Variants in PHKA1 observed in about 807,000 individuals in gnomAD.
PHKA1 encodes phosphorylase kinase regulatory subunit alpha 1, also known as phosphorylase b kinase regulatory subunit alpha, skeletal muscle isoform.
In PHKA1, 60 loss-of-function variants were observed where a neutral mutation model predicts 110.2. The ratio of observed to expected loss-of-function variants is 0.54; its 90% CI spans 0.44 to 0.68. PHKA1 has a LOEUF of 0.68. PHKA1 is among the 30% of genes least tolerant of loss of function. The pLI is 0.00. For synonymous variants in PHKA1, 316 were observed against 333.6 expected, an observed-to-expected ratio of 0.95 and a Z score of 0.58; for missense variants, 801 against 942.5, an observed-to-expected ratio of 0.85 and a Z score of 1.97.
chrX:72,678,041 C>T (rs2053800611), intron 5 of PHKA1, among the ~76,000 whole-genome samples: 1 of 111,510 alleles, frequency 9.0e-6, no homozygotes, highest in Non-Finnish European at 1.9e-5. Flanking sequence ...AAGAGAGGCC[C>T]TGTCTCAAAA....
rs182295453 is a variant in PHKA1, at chrX:72,644,163, A to C, written c.1459+199T>G. Among the ~76,000 whole-genome samples the C allele has an allele frequency of 3.6e-5, 4 of 111,705 alleles. No individual in the cohort carries two copies. In the East Asian group the frequency reaches 1.1e-3, roughly 31 times the overall value. On this transcript the variant is annotated intron_variant, in intron 14 of 31. Transcript: ENST00000373542. Reference sequence around the variant, plus strand: ...GATAATAGTCATGCCTTATGTACCCAAAGGGTTCATAAAACACACCTAAAA... The same window carrying C: ...GATAATAGTCATGCCTTATGTACCCCAAGGGTTCATAAAACACACCTAAAA...
At chrX:72,595,115 G>T in intron 28 of PHKA1, among the ~76,000 whole-genome samples, 1 of 111,986 alleles carries the variant, frequency 8.9e-6, no homozygotes, top group Middle Eastern at 4.6e-3. Flanking sequence ...ACTGATTCCA[G>T]AAATTCAAGG....
At chrX:72,605,462 G>A (rs1264418482) in intron 24 of PHKA1, 62 bp from the exon 25 acceptor site, 3 of 1,178,629 alleles carry the variant, frequency 2.5e-6, no homozygotes, top group Admixed American at 4.4e-5. Flanking sequence ...CTATTTTGTT[G>A]TCTTTGGAAA....
chrX:72,713,494 C>A (rs2147855193), intron 1 of PHKA1, among the ~76,000 whole-genome samples: 1 of 111,360 alleles, frequency 9.0e-6, no homozygotes, highest in Admixed American at 9.6e-5. Flanking sequence ...TTATTAAGTG[C>A]ATTTATAATG....
intron 3 of PHKA1, among the ~76,000 whole-genome samples, chrX:72,703,595 C>T (rs2054235858): frequency 9.0e-6 from 1 of 111,298 alleles, no homozygotes; most frequent in South Asian, 3.8e-4. Flanking sequence ...GTGGGGGGAT[C>T]ACTTGAGCCC....
At chrX:72,603,461 T>C (rs1556246627) in intron 25 of PHKA1, among the ~76,000 whole-genome samples, 1 of 111,881 alleles carries the variant, frequency 8.9e-6, no homozygotes, top group African/African-American at 3.2e-5. Context: ...TTCTTCACCC[T>C]GCTTCCAGAC....
chrX:72,698,586 C>T (rs1320539061), intron 3 of PHKA1, among the ~76,000 whole-genome samples: 2 of 112,338 alleles, frequency 1.8e-5, no homozygotes, highest in Non-Finnish European at 3.8e-5. Flanking sequence ...CAAAACAGAA[C>T]GATTCTTTGC....
intron 21 of PHKA1, 83 bp from the exon 22 acceptor site, chrX:72,611,267 G>T (rs1556260475): frequency 2.6e-6 from 2 of 760,045 alleles, no homozygotes; most frequent in Non-Finnish European, 4.1e-6. Context: ...TAATGAACAT[G>T]CCTGTTTTTG....
chrX:72,616,003 G>A lies in PHKA1; in HGVS notation c.2369+2707C>T, dbSNP rs146971551. On this transcript the variant is annotated intron_variant, in intron 21 of 31. Transcript: ENST00000373542. ...GGACATACATGGACTAAAAGTGAGCGGATGGAAAAAAGATATTCCATGCAA... is the reference window on the plus strand; with the variant it reads ...GGACATACATGGACTAAAAGTGAGCAGATGGAAAAAAGATATTCCATGCAA... Among the ~76,000 whole-genome samples, 687 of 111,830 alleles carry A rather than the reference G, an allele frequency of 6.1e-3. 6 individuals are homozygous for A. The highest frequency in any genetic ancestry group is 9.9e-3 in the Non-Finnish European group (526 of 53,099).
chrX:72,662,015 G>A (rs897663559), intron 8 of PHKA1, among the ~76,000 whole-genome samples: 1 of 111,469 alleles, frequency 9.0e-6, no homozygotes, highest in African/African-American at 3.3e-5. Context: ...AGAGACAGGA[G>A]GGACTTCCCC....
rs782711268 is a variant in PHKA1, at chrX:72,599,296, G to A, written c.3072+2695C>T. Among the ~76,000 whole-genome samples, 11 of 111,565 alleles carry A rather than the reference G, an allele frequency of 9.9e-5. No individual in the cohort carries two copies. In the South Asian group the frequency reaches 3.8e-3, roughly 38 times the overall value. The stretch of plus-strand genomic sequence containing the variant: ...AATCTGAAATCATAGGCCATTATGA[G>A]TCTTTGATTTAAACCAAATAAATTT... On this transcript the variant is annotated intron_variant, in intron 28 of 31. Transcript: ENST00000373542.
chrX:72,707,894 G>T (rs2054314870), intron 2 of PHKA1: 1 of 110,859 alleles, frequency 9.0e-6, no homozygotes, highest in Non-Finnish European at 1.9e-5. Flanking sequence ...TTAAAAAAAT[G>T]AAGATGTTGA....
chrX:72,644,286 T>A (rs1044203582), intron 14 of PHKA1, 76 bp downstream of exon 14: 3 of 1,056,948 alleles, frequency 2.8e-6, no homozygotes, highest in Non-Finnish European at 3.9e-6. Context: ...TACACAATCA[T>A]GAAGAAGAAA....
At chrX:72,627,768 C>T in intron 16 of PHKA1, among the ~76,000 whole-genome samples, 1 of 107,058 alleles carries the variant, frequency 9.3e-6, no homozygotes. Flanking sequence ...AGAGTTGTGC[C>T]AATTATATTT....
intron 13 of PHKA1, among the ~76,000 whole-genome samples, chrX:72,648,522 T>C (rs1232936623): frequency 9.0e-6 from 1 of 111,468 alleles, no homozygotes; most frequent in Non-Finnish European, 1.9e-5. Context: ...CCTAGCTGAG[T>C]TGGAGACCAC....
chrX:72,709,762 C>T (rs782811454), intron 2 of PHKA1, among the ~76,000 whole-genome samples: 3 of 110,336 alleles, frequency 2.7e-5, no homozygotes, highest in South Asian at 7.8e-4. Context: ...GATTCCTGGC[C>T]GGGTATGGTG....
In PHKA1 at chrX:72,580,444, T is replaced by A. The variant is rs1358378758; in HGVS notation, c.*558A>T. ...AATTATCACTCAGTGTGAAGCAACC[T>A]GTAAGTAAGGAAGAAAACCATGATC... On this transcript the variant is annotated 3_prime_UTR_variant, in exon 32 of 32. Coordinates refer to ENST00000373542, the MANE Select transcript of PHKA1 (RefSeq NM_002637.4). 8.6e-6 allele frequency: 1 copy of A among 116,543 alleles called. No homozygotes were observed. The highest frequency in any genetic ancestry group is 3.2e-5 in the African/African-American group (1 of 30,876). The allele number at this position is 116,543 out of a possible 1,213,427, so 9.6% of individuals were successfully genotyped here.
chrX:72,656,757 G>T (rs1002359370), intron 9 of PHKA1, among the ~76,000 whole-genome samples: 1 of 111,489 alleles, frequency 9.0e-6, no homozygotes, highest in Non-Finnish European at 1.9e-5. Context: ...AATAGGAAAA[G>T]AATTTCAAGA....
At chrX:72,633,327 T>C (rs1257155431) in intron 16 of PHKA1, among the ~76,000 whole-genome samples, 1 of 110,893 alleles carries the variant, frequency 9.0e-6, no homozygotes, top group Non-Finnish European at 1.9e-5. Flanking sequence ...TTGCTTCTTT[T>C]CTGTCCCTTC....
Sources: gnomAD v4.1 joint callset for allele counts (sites outside exome capture counted in the v4.1 genomes callset) on GRCh38, gnomAD v4.1.1 for gene constraint, MANE v1.5 for transcripts, NCBI Gene and HGNC (gene_info 2026-07-23, HGNC 2026-07-21) for gene names.